The following ROBO2 variants were observed in gnomAD, a reference collection of about 807,000 sequenced individuals.
ROBO2 encodes roundabout guidance receptor 2, also known as roundabout homolog 2.
In ROBO2, 53 loss-of-function variants were observed where a neutral mutation model predicts 160.8. The ratio of observed to expected loss-of-function variants is 0.33; its 90% CI spans 0.26 to 0.41. The LOEUF is 0.41. Ranked by LOEUF, ROBO2 falls within the 10% of genes least tolerant of loss-of-function variation. ROBO2 has a pLI of 1.00. For missense variants in ROBO2, 1,577 were observed against 1,722.4 expected, an observed-to-expected ratio of 0.92 and a Z score of 1.49; for synonymous variants, 664 against 611.7, an observed-to-expected ratio of 1.09 and a Z score of -1.26.
intron 2 of ROBO2, among the ~76,000 whole-genome samples, chr3:76,387,020 T>C (rs1248317460): frequency 1.3e-5 from 2 of 152,174 alleles, no homozygotes; most frequent in Non-Finnish European, 2.9e-5. Flanking sequence ...AGAGATCTGT[T>C]TCTCACAGTT....
At chr3:77,252,879 T>G (rs1320432082) in intron 2 of ROBO2, among the ~76,000 whole-genome samples, 1 of 126,994 alleles carries the variant, frequency 7.9e-6, no homozygotes, top group Non-Finnish European at 1.7e-5. Context: ...TTTTAATAAA[T>G]GAATTCCAAC....
intron 2 of ROBO2, among the ~76,000 whole-genome samples, chr3:77,139,606 A>C (rs1046319944): frequency 3.3e-5 from 5 of 152,232 alleles, no homozygotes; most frequent in African/African-American, 1.2e-4. Context: ...CTCAAAGTTA[A>C]CAGTTCATAG....
intron 2 of ROBO2, among the ~76,000 whole-genome samples, chr3:76,597,458 C>T (rs68078816): frequency 0.047 from 7,157 of 152,102 alleles, 188 homozygotes; most frequent in African/African-American, 0.068. Context: ...CATGAGCAGA[C>T]ATTTCATGGA....
At chr3:77,267,662 C>T (rs891397689) in intron 2 of ROBO2, among the ~76,000 whole-genome samples, 1 of 152,156 alleles carries the variant, frequency 6.6e-6, no homozygotes, top group Admixed American at 6.5e-5. Flanking sequence ...ATCCCTCTTG[C>T]TCATGCATTA....
At chr3:77,154,713 T>C (rs1207596942) in intron 2 of ROBO2, among the ~76,000 whole-genome samples, 1 of 152,072 alleles carries the variant, frequency 6.6e-6, no homozygotes, top group Non-Finnish European at 1.5e-5. Flanking sequence ...TCATATCTTC[T>C]GCAGCAACAT....
chr3:77,564,181 G>A (rs116730347), intron 11 of ROBO2, among the ~76,000 whole-genome samples: 2,241 of 151,940 alleles, frequency 0.015, 28 homozygotes, highest in Non-Finnish European at 0.022. Context: ...ATTCTTATGC[G>A]TGGACAGTTA....
intron 2 of ROBO2, among the ~76,000 whole-genome samples, chr3:76,671,901 CTG>C (rs772811660): frequency 1.3e-5 from 2 of 151,850 alleles, no homozygotes; most frequent in Admixed American, 6.6e-5. Flanking sequence ...CTTCAGAAGT[CTG>C]TTATGGTTGA....
chr3:76,479,135 T>C (rs1224940130), intron 2 of ROBO2, among the ~76,000 whole-genome samples: 1 of 152,176 alleles, frequency 6.6e-6, no homozygotes. Flanking sequence ...ACAAACTCTT[T>C]TTAAGGATCA....
intron 2 of ROBO2, among the ~76,000 whole-genome samples, chr3:76,051,853 T>TGA (rs765705559): frequency 0.02 from 3,116 of 152,062 alleles, 43 homozygotes; most frequent in East Asian, 0.081. Flanking sequence ...TCCTATAAAT[T>TGA]TAGTTGATAA....
At chr3:76,312,672 C>T (rs959465180) in intron 2 of ROBO2, among the ~76,000 whole-genome samples, 1 of 152,168 alleles carries the variant, frequency 6.6e-6, no homozygotes, top group Non-Finnish European at 1.5e-5. Context: ...GCATGCTGGC[C>T]TTTAGTAGCT....
At chr3:76,014,180 C>T (rs958189198) in intron 2 of ROBO2, among the ~76,000 whole-genome samples, 1 of 130,856 alleles carries the variant, frequency 7.6e-6, no homozygotes, top group African/African-American at 3.6e-5. Flanking sequence ...CGACTGGGCA[C>T]GGTGGTCTAT....
intron 2 of ROBO2, among the ~76,000 whole-genome samples, chr3:76,859,685 G>A (rs751276050): frequency 2.6e-5 from 4 of 152,182 alleles, no homozygotes; most frequent in Non-Finnish European, 5.9e-5. Context: ...CTGAACTGAA[G>A]CTTTCTCAGC....
In ROBO2 at chr3:76,080,492, TC is replaced by T. The variant is rs1405789502; in HGVS notation, c.109+142891del. ...GGAGCACAACACATTCTTTTTCGTT[TC>T]TGCAAAAGATACTAATTTCTGCCAT... On this transcript the variant is annotated intron_variant, in intron 2 of 26. Coordinates refer to the ROBO2 transcript ENST00000487694. Among the ~76,000 whole-genome samples, 3 of 152,346 alleles carry T rather than the reference TC, an allele frequency of 2.0e-5. No individual in the cohort carries two copies. In the East Asian group the frequency reaches 5.8e-4, roughly 29 times the overall value.
intron 2 of ROBO2, among the ~76,000 whole-genome samples, chr3:76,834,171 T>TTCTTTCTTTCTTTCTTTCTTTCTCTCTC (rs755070628): frequency 3.4e-5 from 4 of 117,008 alleles, no homozygotes; most frequent in Non-Finnish European, 3.7e-5. Context: ...CTTTCTTTCT[T>TTCTTTCTTTCTTTCTTTCTTTCTCTCTC]TCTCTCTCTC....
chr3:77,253,099 C>T (rs2090564669), intron 2 of ROBO2, among the ~76,000 whole-genome samples: 1 of 151,830 alleles, frequency 6.6e-6, no homozygotes. Flanking sequence ...GGTAAGGGTT[C>T]TCAGCTAGCA....
chr3:77,160,546 T>C (rs755465377), intron 2 of ROBO2, among the ~76,000 whole-genome samples: 5 of 152,102 alleles, frequency 3.3e-5, no homozygotes, highest in Non-Finnish European at 7.4e-5. Context: ...GAGGCTGATA[T>C]AATGAAAAAA....
intron 2 of ROBO2, among the ~76,000 whole-genome samples, chr3:76,651,998 C>T (rs1199476242): frequency 5.3e-5 from 8 of 152,098 alleles, no homozygotes; most frequent in Non-Finnish European, 1.2e-4. Flanking sequence ...TGGAGGATGT[C>T]GCTCCCTGCA....
chr3:76,011,067 A>G (rs1270472237), intron 2 of ROBO2, among the ~76,000 whole-genome samples: 1 of 152,188 alleles, frequency 6.6e-6, no homozygotes, highest in African/African-American at 2.4e-5. Context: ...ATAACCTTGA[A>G]GAAAACTGCG....
chr3:76,803,577 C>T (rs1028025977), intron 2 of ROBO2, among the ~76,000 whole-genome samples: 1 of 151,950 alleles, frequency 6.6e-6, no homozygotes, highest in Non-Finnish European at 1.5e-5. Flanking sequence ...AAAAAACACA[C>T]AGACGTACAC....
Sources: allele counts gnomAD v4.1 joint callset (sites outside exome capture counted in the v4.1 genomes callset), GRCh38; gene constraint gnomAD v4.1.1; transcripts MANE v1.5; gene names NCBI Gene and HGNC (gene_info 2026-07-23, HGNC 2026-07-21).